Variants in PRKN observed in about 807,000 individuals in gnomAD.
PRKN encodes E3 ubiquitin-protein ligase parkin.
A neutral mutation model predicts 59.5 loss-of-function variants in PRKN; 56 were observed. That is an observed-to-expected ratio of 0.94 (90% CI 0.76 to 1.18). The LOEUF is 1.18. PRKN is among the 50% of genes most tolerant of loss of function. PRKN has a pLI of 0.00. For synonymous variants in PRKN, 250 were observed against 222.1 expected (o/e 1.13, Z -1.12); for missense variants, 657 against 596.4 (o/e 1.10, Z -1.06).
chr6:161,682,176 G>A (rs1785390876), intron 7 of PRKN, among the ~76,000 whole-genome samples: 1 of 152,182 alleles, frequency 6.6e-6, no homozygotes, highest in African/African-American at 2.4e-5. Flanking sequence ...TGGGCCCCAC[G>A]AGGCAGCTCC....
At chr6:161,785,301 T>C (rs936180109) in intron 7 of PRKN, among the ~76,000 whole-genome samples, 2 of 152,118 alleles carry the variant, frequency 1.3e-5, no homozygotes, top group Non-Finnish European at 2.9e-5. Context: ...AAGTAAAGGG[T>C]GCTTTGTAAT....
At chr6:162,563,943 C>G (rs575491911) in intron 1 of PRKN, among the ~76,000 whole-genome samples, 6 of 151,258 alleles carry the variant, frequency 4.0e-5, no homozygotes, top group Non-Finnish European at 5.9e-5. Flanking sequence ...AATTAGTAAG[C>G]TTGAATACAG....
At chr6:162,499,457 T>C (rs1793261561) in intron 1 of PRKN, among the ~76,000 whole-genome samples, 1 of 152,184 alleles carries the variant, frequency 6.6e-6, no homozygotes, top group African/African-American at 2.4e-5. Context: ...CGTATGATAC[T>C]CTTATCTGCA....
intron 4 of PRKN, among the ~76,000 whole-genome samples, chr6:162,132,513 A>G (rs1409752862): frequency 6.6e-6 from 1 of 152,196 alleles, no homozygotes; most frequent in African/African-American, 2.4e-5. Context: ...GGACATAATA[A>G]CTATCTTATC....
At chr6:162,590,129 C>T (rs1284694301) in intron 1 of PRKN, among the ~76,000 whole-genome samples, 1 of 152,120 alleles carries the variant, frequency 6.6e-6, no homozygotes, top group Non-Finnish European at 1.5e-5. Context: ...ATGTCTTTAT[C>T]TTTCTTCTCC....
rs751054800 is a variant in PRKN, at chr6:162,727,743, A to C, written c.-75T>G. 3.4e-6 allele frequency: 5 copies of C among 1,472,848 alleles called. No homozygotes were observed. The highest frequency in any genetic ancestry group is 2.8e-5 in the African/African-American group (2 of 71,334). The allele number at this position is 1,472,848 out of a possible 1,614,324, so 91.2% of individuals were successfully genotyped here. A position where few individuals can be genotyped will look rare whatever the true frequency, so the allele number is the denominator to read the frequency against. On this transcript the variant is annotated 5_prime_UTR_variant, in exon 1 of 12. Coordinates refer to ENST00000366898, the MANE Select transcript of PRKN (RefSeq NM_004562.3). ...AGCGGCGCCAGCCGCGCCTCCCACC[A>C]GCGGCTCTCCTGGGTTAAATCCTCC...
intron 1 of PRKN, among the ~76,000 whole-genome samples, chr6:162,494,277 A>G (rs781477332): frequency 2.6e-5 from 4 of 152,184 alleles, no homozygotes; most frequent in Non-Finnish European, 5.9e-5. Context: ...CTGGGCCTGC[A>G]GCTGTGCTGT....
At chr6:161,692,125 G>A (rs1785821274) in intron 7 of PRKN, among the ~76,000 whole-genome samples, 2 of 152,150 alleles carry the variant, frequency 1.3e-5, no homozygotes, top group Non-Finnish European at 2.9e-5. Flanking sequence ...TTGAATATCG[G>A]TGTGGGTTTT....
intron 5 of PRKN, among the ~76,000 whole-genome samples, chr6:162,006,724 C>G (rs1313592080): frequency 6.6e-6 from 1 of 152,182 alleles, no homozygotes; most frequent in African/African-American, 2.4e-5. Flanking sequence ...CCATTTGGGG[C>G]TGAGTTCAGC....
chr6:162,627,430 C>T (rs139769599), intron 1 of PRKN, among the ~76,000 whole-genome samples: 7 of 152,270 alleles, frequency 4.6e-5, no homozygotes, highest in Non-Finnish European at 7.4e-5. Context: ...AAGAGCTCTA[C>T]GCTGCCTACT....
chr6:162,458,060 C>A (rs1790967832), intron 1 of PRKN, among the ~76,000 whole-genome samples: 1 of 151,586 alleles, frequency 6.6e-6, no homozygotes, highest in Admixed American at 6.6e-5. Flanking sequence ...TTGAGACCAG[C>A]CTGGCCAACA....
intron 5 of PRKN, among the ~76,000 whole-genome samples, chr6:162,049,093 G>T (rs1308293916): frequency 6.6e-6 from 1 of 152,038 alleles, no homozygotes; most frequent in African/African-American, 2.4e-5. Flanking sequence ...GAGAGTTAGG[G>T]TCAAGTTTGT....
intron 7 of PRKN, among the ~76,000 whole-genome samples, chr6:161,680,041 A>C (rs1232567186): frequency 6.6e-6 from 1 of 152,110 alleles, no homozygotes; most frequent in Non-Finnish European, 1.5e-5. Flanking sequence ...GGCATGAGCC[A>C]CCGTGCCCTG....
chr6:161,913,162 C>A (rs2128237418), intron 6 of PRKN, among the ~76,000 whole-genome samples: 2 of 123,248 alleles, frequency 1.6e-5, no homozygotes, highest in East Asian at 2.4e-4. Context: ...AGCAAAACTC[C>A]ATCTCAGGAA....
At chr6:162,424,716 C>G (rs865778421) in intron 2 of PRKN, among the ~76,000 whole-genome samples, 2 of 142,944 alleles carry the variant, frequency 1.4e-5, no homozygotes, top group African/African-American at 5.2e-5. Context: ...GCCTGGGTGA[C>G]AGAGCAAGAC....
intron 5 of PRKN, among the ~76,000 whole-genome samples, chr6:161,975,598 C>T (rs1169647003): frequency 6.6e-6 from 1 of 152,188 alleles, no homozygotes; most frequent in Non-Finnish European, 1.5e-5. Flanking sequence ...CTGTAGTGTG[C>T]ATCAGAATCA....
intron 6 of PRKN, among the ~76,000 whole-genome samples, chr6:161,970,636 C>T (rs1780768521): frequency 6.6e-6 from 1 of 151,670 alleles, no homozygotes; most frequent in Non-Finnish European, 1.5e-5. Flanking sequence ...CTCCCGGATT[C>T]GAGTGATTCT....
chr6:162,112,444 A>G (rs1780480083), intron 4 of PRKN, among the ~76,000 whole-genome samples: 1 of 152,222 alleles, frequency 6.6e-6, no homozygotes, highest in African/African-American at 2.4e-5. Context: ...AAAAAGATAA[A>G]GTAACACAAA....
At chr6:161,539,093 C>CA (rs1457428459) in intron 9 of PRKN, among the ~76,000 whole-genome samples, 1 of 152,212 alleles carries the variant, frequency 6.6e-6, no homozygotes, top group East Asian at 1.9e-4. Context: ...ACAAAAACAA[C>CA]ACTAAAATCC....
Sources: allele counts gnomAD v4.1 joint callset (sites outside exome capture counted in the v4.1 genomes callset), GRCh38; gene constraint gnomAD v4.1.1; transcripts MANE v1.5; gene names NCBI Gene and HGNC (gene_info 2026-07-23, HGNC 2026-07-21).